The following HORMAD1 variants were observed in gnomAD, a reference collection of about 807,000 sequenced individuals.
HORMAD1 encodes the protein HORMA domain-containing protein 1.
A neutral mutation model predicts 58.2 loss-of-function variants in HORMAD1; 33 were observed. The observed-to-expected ratio is 0.57, with a 90% confidence interval of 0.43 to 0.76. The LOEUF is 0.76. Ranked by LOEUF, HORMAD1 falls within the 30% of genes least tolerant of loss-of-function variation. HORMAD1 has a pLI of 0.00. For missense variants in HORMAD1, 363 were observed against 462.0 expected, an observed-to-expected ratio of 0.79 and a Z score of 1.96; for synonymous variants, 137 against 144.6, an observed-to-expected ratio of 0.95 and a Z score of 0.38.
chr1:150,705,834 C>T (rs1651675257), intron 10 of HORMAD1, among the ~76,000 whole-genome samples: 1 of 152,074 alleles, frequency 6.6e-6, no homozygotes, highest in Non-Finnish European at 1.5e-5. Flanking sequence ...AATAGTGAAT[C>T]TCTGTACATA....
chr1:150,714,650 ATCTTCTCTC>A lies in HORMAD1; in HGVS notation c.198_206del (p.Arg67_Asp69del). On this transcript the variant is annotated inframe_deletion, in exon 4 of 15. Coordinates refer to ENST00000361824, the MANE Select transcript of HORMAD1 (RefSeq NM_032132.5). ...ACTGTGTAGATCCTGGGCAATTTTT[ATCTTCTCTC>A]AGTATTTTGACACAAAGATCTAAAC... is the stretch of plus-strand genomic sequence containing the variant. 1 of 1,434,294 alleles carries A rather than the reference ATCTTCTCTC, an allele frequency of 7.0e-7. No homozygotes were observed. Among genetic ancestry groups the A allele is most frequent in the Non-Finnish European group, 9.3e-7 (1 of 1,073,320 alleles). The allele number at this position is 1,434,294 out of a possible 1,614,324, so 88.8% of individuals were successfully genotyped here. A position where few individuals can be genotyped will look rare whatever the true frequency, so the allele number is the denominator to read the frequency against.
At position 150,698,458 on chromosome 1, in the gene HORMAD1, T is replaced by C; in HGVS notation, c.*196A>G. ...GAATCAATTATGACATTTGTACTTT[T>C]GCTTTTATTCAAAAGTTCTATTGGA... On this transcript the variant is annotated 3_prime_UTR_variant, in exon 15 of 15. Coordinates refer to ENST00000361824, the MANE Select transcript of HORMAD1 (RefSeq NM_032132.5). The C allele has an allele frequency of 2.6e-6, 1 of 380,286 alleles. No homozygotes were observed. Among genetic ancestry groups the C allele is most frequent in the African/African-American group, 2.1e-5 (1 of 48,034 alleles). 23.6% of individuals were successfully genotyped at this position (380,286 alleles called of 1,614,324 possible).
chr1:150,708,914 TC>T lies in HORMAD1; in HGVS notation c.374del (p.Gly125AspfsTer7). 6.7e-7 allele frequency: 1 copy of T among 1,501,460 alleles called. No homozygotes were observed. The highest frequency in any genetic ancestry group is 9.3e-7 in the Non-Finnish European group (1 of 1,077,696). 93.0% of individuals were successfully genotyped at this position (1,501,460 alleles called of 1,614,324 possible). A position where few individuals can be genotyped will look rare whatever the true frequency, so the allele number is the denominator to read the frequency against. ...YQFKFKYTNN[G>X]PLMDFISKNQ... ...AATACCTTATGAAGTCCATGAGTGG[TC>T]CATTATTGGTGTATTTGAATTTGAA... is the stretch of plus-strand genomic sequence containing the variant. On this transcript the variant is annotated frameshift_variant, in exon 8 of 15. Coordinates refer to ENST00000361824, the MANE Select transcript of HORMAD1 (RefSeq NM_032132.5). LOFTEE classifies it high-confidence loss of function.
At chr1:150,716,411 C>T (rs1009232286) in intron 3 of HORMAD1, among the ~76,000 whole-genome samples, 8 of 151,280 alleles carry the variant, frequency 5.3e-5, no homozygotes, top group African/African-American at 1.7e-4. Context: ...CCGCCCGCCT[C>T]GGCCTCCCAA....
chr1:150,711,300 AAC>A (rs1192433486), intron 7 of HORMAD1, among the ~76,000 whole-genome samples: 5 of 152,160 alleles, frequency 3.3e-5, no homozygotes, highest in Admixed American at 2.0e-4. Context: ...TTAAGTTTCT[AAC>A]AGTTTGTAAG....
intron 3 of HORMAD1, 54 bp downstream of exon 3, chr1:150,717,084 G>T (rs1214797209): frequency 8.5e-7 from 1 of 1,181,626 alleles, no homozygotes; most frequent in Non-Finnish European, 1.2e-6. Context: ...TTTGGAGCAA[G>T]CAAAAATAAA....
chr1:150,703,964 T>C (rs1358317570), intron 12 of HORMAD1, among the ~76,000 whole-genome samples, 154 bp downstream of exon 12: 1 of 152,168 alleles, frequency 6.6e-6, no homozygotes, highest in Admixed American at 6.5e-5. Context: ...TTCATCAACA[T>C]ATAATTTCCA....
Position 150,719,362 on chromosome 1 carries a change from A to G in HORMAD1, c.33+111T>C, listed in dbSNP as rs1472626628. The G allele has an allele frequency of 4.4e-6, 3 of 689,082 alleles. No individual in the cohort carries two copies. In the East Asian group the frequency reaches 8.4e-5, roughly 19 times the overall value. 42.7% of individuals were successfully genotyped at this position (689,082 alleles called of 1,614,324 possible). On this transcript the variant is annotated intron_variant, in intron 2 of 14. Transcript: ENST00000361824. Reference sequence around the variant, plus strand: ...TTCTTAAAACATGCAGTTTCCTGGTATCATAAAACCCTCAAATAGTTGAGC... The same window carrying G: ...TTCTTAAAACATGCAGTTTCCTGGTGTCATAAAACCCTCAAATAGTTGAGC...
Position 150,707,795 on chromosome 1 carries a change from G to A in HORMAD1, c.547+461C>T, listed in dbSNP as rs587739614. ...TACTAAAAATACAAAAATTAGCCAG[G>A]CATGGTGGCGAGTGCCTGTAGTCCC... On this transcript the variant is annotated intron_variant, in intron 9 of 14. Coordinates refer to ENST00000361824, the MANE Select transcript of HORMAD1 (RefSeq NM_032132.5). Among the ~76,000 whole-genome samples the A allele has an allele frequency of 3.3e-5, 5 of 152,260 alleles. No homozygotes were observed. The South Asian group carries it at 1.0e-3, about 32-fold the overall frequency.
intron 3 of HORMAD1, among the ~76,000 whole-genome samples, chr1:150,715,259 T>C (rs927471522): frequency 6.6e-6 from 1 of 152,204 alleles, no homozygotes; most frequent in Non-Finnish European, 1.5e-5. Flanking sequence ...AAATTAGATA[T>C]GTTGCTTTCA....
chr1:150,701,109 G>A (rs143826688), intron 13 of HORMAD1, among the ~76,000 whole-genome samples: 1 of 152,026 alleles, frequency 6.6e-6, no homozygotes, highest in African/African-American at 2.4e-5. Flanking sequence ...AAAATCAGGA[G>A]TACACTTGCT....
Position 150,708,893 on chromosome 1 carries a change from C to T in HORMAD1, c.395+1G>A. The T allele has an allele frequency of 7.1e-7, 1 of 1,404,850 alleles. No homozygotes were observed. Among genetic ancestry groups the T allele is most frequent in the Non-Finnish European group, 1.0e-6 (1 of 990,094 alleles). 87.0% of individuals were successfully genotyped at this position (1,404,850 alleles called of 1,614,324 possible). On this transcript the variant is annotated splice_donor_variant, in intron 8 of 14. Coordinates refer to ENST00000361824, the MANE Select transcript of HORMAD1 (RefSeq NM_032132.5). LOFTEE classifies it high-confidence loss of function. ...ACAAACAGAAAACTATAGAACAATA[C>T]CTTATGAAGTCCATGAGTGGTCCAT... is the stretch of plus-strand genomic sequence containing the variant.
intron 13 of HORMAD1, among the ~76,000 whole-genome samples, chr1:150,701,132 CCAAAAACA>C (rs1191984838): frequency 2.6e-5 from 4 of 152,068 alleles, no homozygotes; most frequent in African/African-American, 9.7e-5. Context: ...GAGTTCATAT[CCAAAAACA>C]TGTGCAATTT....
chr1:150,714,179 T>C, intron 4 of HORMAD1, 58 bp from the exon 5 acceptor site: 2 of 1,058,110 alleles, frequency 1.9e-6, no homozygotes, highest in Non-Finnish European at 1.4e-6. Context: ...AAAATAGTTA[T>C]TTTCATAAAT....
chr1:150,714,017 A>G (rs1372088222), intron 5 of HORMAD1, 68 bp downstream of exon 5: 3 of 998,672 alleles, frequency 3.0e-6, no homozygotes, highest in African/African-American at 1.6e-5. Context: ...TTACTACATC[A>G]TAACTCCAGT....
chr1:150,715,507 C>A (rs1483560728), intron 3 of HORMAD1, among the ~76,000 whole-genome samples: 1 of 152,080 alleles, frequency 6.6e-6, no homozygotes, highest in South Asian at 2.1e-4. Context: ...TATTGCCCAG[C>A]ACATAACTGG....
chr1:150,716,213 A>C (rs1167527532), intron 3 of HORMAD1, among the ~76,000 whole-genome samples: 1 of 113,778 alleles, frequency 8.8e-6, no homozygotes, highest in African/African-American at 3.5e-5. Flanking sequence ...GCCAGGCTGG[A>C]GTGCAGTGGC....
At position 150,698,142 on chromosome 1, in the gene HORMAD1, T is replaced by A. The variant is rs587719572; in HGVS notation, c.*512A>T. On this transcript the variant is annotated 3_prime_UTR_variant, in exon 15 of 15. Transcript: ENST00000361824. ...TCTTTTTGTCCTGTAAAAAAAAGCA[T>A]AGTAAAGGTAAAGCACCAATTCTTA... 6.6e-6 allele frequency: 1 copy of A among 152,192 alleles called. No homozygotes were observed. 9.4% of individuals were successfully genotyped at this position (152,192 alleles called of 1,614,324 possible). A position where few individuals can be genotyped will look rare whatever the true frequency, so the allele number is the denominator to read the frequency against.
At position 150,719,488 on chromosome 1, in the gene HORMAD1, C is replaced by T. The variant is rs1389678216; in HGVS notation, c.18G>A (p.Leu6=). 2 of 1,583,684 alleles carry T rather than the reference C, an allele frequency of 1.3e-6. No individual in the cohort carries two copies. Among genetic ancestry groups the T allele is most frequent in the East Asian group, 2.3e-5 (1 of 44,324 alleles). The change falls in exon 2 of 15, where the codon TTG becomes TTA. Residue 6 remains leucine, a synonymous_variant. Coordinates refer to ENST00000361824, the MANE Select transcript of HORMAD1 (RefSeq NM_032132.5). Reference sequence around the variant, plus strand: ...GAAATCATACCATGGGAGTCCTCTGCAACTGGGCAGTGGCCATCTTCTTCT... The same window carrying T: ...GAAATCATACCATGGGAGTCCTCTGTAACTGGGCAGTGGCCATCTTCTTCT... MATAQ[L]QRTPMSALVF...
Sources: allele counts gnomAD v4.1 joint callset (sites outside exome capture counted in the v4.1 genomes callset), GRCh38; gene constraint gnomAD v4.1.1; transcripts MANE v1.5; gene names NCBI Gene and HGNC (gene_info 2026-07-23, HGNC 2026-07-21).